The following MAD1L1 variants were observed in gnomAD, a reference collection of about 807,000 sequenced individuals.
MAD1L1 encodes the protein mitotic arrest deficient 1 like 1, also known as mitotic spindle assembly checkpoint protein MAD1.
In MAD1L1, 95 loss-of-function variants were observed where a neutral mutation model predicts 96.9. That is an observed-to-expected ratio of 0.98 (90% CI 0.83 to 1.16). The LOEUF is 1.16. Among genes scored for constraint, MAD1L1 ranks in the 50% most tolerant of loss-of-function variants. The probability of loss-of-function intolerance (pLI) is 0.00; values close to 1 mark genes in which losing one functional copy is unlikely to be tolerated. For missense variants in MAD1L1, 1,007 were observed against 954.4 expected (o/e 1.06, Z -0.73); for synonymous variants, 473 against 396.6 (o/e 1.19, Z -2.29).
At chr7:2,090,306 G>A (rs868072269) in intron 11 of MAD1L1, among the ~76,000 whole-genome samples, 72 of 152,316 alleles carry the variant, frequency 4.7e-4, no homozygotes, top group African/African-American at 1.5e-3. Context: ...TTCTGCGGTC[G>A]CTTGCTTTGG....
At chr7:2,189,082 C>T (rs1264058267) in intron 10 of MAD1L1, among the ~76,000 whole-genome samples, 2 of 152,166 alleles carry the variant, frequency 1.3e-5, no homozygotes, top group African/African-American at 4.8e-5. Context: ...CGGTGCTCCA[C>T]ACCACTAATC....
At chr7:2,155,463 A>C (rs1023756545) in intron 10 of MAD1L1, among the ~76,000 whole-genome samples, 2 of 152,156 alleles carry the variant, frequency 1.3e-5, no homozygotes, top group African/African-American at 4.8e-5. Flanking sequence ...ATTAAAGAGG[A>C]ACTCCCACAG....
intron 1 of MAD1L1, among the ~76,000 whole-genome samples, chr7:2,231,562 G>C (rs1203320575): frequency 6.6e-6 from 1 of 151,876 alleles, no homozygotes; most frequent in South Asian, 2.1e-4. Flanking sequence ...AACTGAGATC[G>C]CGCCACTGCA....
chr7:2,126,681 T>C (rs1788248930), intron 11 of MAD1L1, among the ~76,000 whole-genome samples: 1 of 152,204 alleles, frequency 6.6e-6, no homozygotes, highest in Non-Finnish European at 1.5e-5. Flanking sequence ...GACCGGCCTC[T>C]TCTGTCACTC....
intron 18 of MAD1L1, among the ~76,000 whole-genome samples, chr7:1,887,381 G>C (rs1300284370): frequency 6.6e-6 from 1 of 151,140 alleles, no homozygotes; most frequent in Non-Finnish European, 1.5e-5. Flanking sequence ...CTGTGCATGC[G>C]TGTACATGCA....
At position 2,211,784 on chromosome 7, in the gene MAD1L1, C is replaced by T. The variant is rs114573146; in HGVS notation, c.986+1428G>A. Among the ~76,000 whole-genome samples the T allele has an allele frequency of 6.1e-4, 93 of 152,294 alleles. 1 individual carries two copies. Among genetic ancestry groups the T allele is most frequent in the African/African-American group, 2.2e-3 (92 of 41,544 alleles). On this transcript the variant is annotated intron_variant, in intron 10 of 18. Coordinates refer to ENST00000265854, the MANE Select transcript of MAD1L1 (RefSeq NM_001013836.2). ...CTTTCAGGTGACAGAGAACTGAAGC[C>T]AGTAATGCTGATGAGAAGGTAATGG...
intron 10 of MAD1L1, among the ~76,000 whole-genome samples, chr7:2,162,556 T>A (rs1790205971): frequency 6.9e-6 from 1 of 144,730 alleles, no homozygotes; most frequent in East Asian, 2.0e-4. Context: ...CAAATCCCCC[T>A]CTCCGAGAAA....
intron 12 of MAD1L1, among the ~76,000 whole-genome samples, chr7:2,029,870 T>C (rs1156972300): frequency 6.6e-6 from 1 of 152,036 alleles, no homozygotes; most frequent in Non-Finnish European, 1.5e-5. Flanking sequence ...CGAGTTATGA[T>C]TACAATGAAA....
At chr7:2,141,104 G>A (rs947921296) in intron 11 of MAD1L1, among the ~76,000 whole-genome samples, 1 of 152,228 alleles carries the variant, frequency 6.6e-6, no homozygotes, top group Admixed American at 6.5e-5. Flanking sequence ...GGCAGCGGAC[G>A]CTGGACCCGG....
intron 18 of MAD1L1, among the ~76,000 whole-genome samples, chr7:1,867,957 G>A (rs1017004854): frequency 6.6e-6 from 1 of 152,240 alleles, no homozygotes. Context: ...AATACGGGGC[G>A]ACAACCGTCT....
At chr7:1,865,149 G>A (rs951490056) in intron 18 of MAD1L1, among the ~76,000 whole-genome samples, 3 of 152,148 alleles carry the variant, frequency 2.0e-5, no homozygotes, top group Non-Finnish European at 2.9e-5. Flanking sequence ...TGGGACTCCC[G>A]GAAGGGGGCA....
intron 10 of MAD1L1, among the ~76,000 whole-genome samples, chr7:2,179,912 A>G (rs1391319186): frequency 6.6e-6 from 1 of 152,064 alleles, no homozygotes; most frequent in African/African-American, 2.4e-5. Flanking sequence ...CGGAGGTCAC[A>G]GTGAGCCAAG....
chr7:2,210,725 G>A (rs899387910), intron 10 of MAD1L1, among the ~76,000 whole-genome samples: 4 of 152,206 alleles, frequency 2.6e-5, no homozygotes, highest in Non-Finnish European at 5.9e-5. Flanking sequence ...GCCCAGGCAT[G>A]GCAGGCAACC....
chr7:1,861,119 C>T (rs1263165059), intron 18 of MAD1L1, among the ~76,000 whole-genome samples: 1 of 152,174 alleles, frequency 6.6e-6, no homozygotes, highest in Non-Finnish European at 1.5e-5. Flanking sequence ...CCTGACTGGA[C>T]AACTGCCTCC....
intron 12 of MAD1L1, among the ~76,000 whole-genome samples, chr7:2,042,711 C>T (rs1443216399): frequency 2.0e-5 from 3 of 152,216 alleles, no homozygotes; most frequent in East Asian, 1.9e-4. Context: ...TGCCATGTGA[C>T]GTGCCTGCTC....
chr7:1,919,605 C>T (rs928020460), intron 17 of MAD1L1, among the ~76,000 whole-genome samples: 2 of 152,244 alleles, frequency 1.3e-5, no homozygotes, highest in African/African-American at 2.4e-5. Context: ...AGGCCACAGC[C>T]GCCATCGTCG....
At chr7:1,878,084 C>T (rs1047319835) in intron 18 of MAD1L1, among the ~76,000 whole-genome samples, 3 of 151,788 alleles carry the variant, frequency 2.0e-5, no homozygotes, top group Non-Finnish European at 2.9e-5. Context: ...ACAGTATACA[C>T]AAAATAAGCA....
intron 10 of MAD1L1, among the ~76,000 whole-genome samples, chr7:2,167,113 A>C (rs551958805): frequency 7.3e-4 from 111 of 152,324 alleles, no homozygotes; most frequent in Non-Finnish European, 1.4e-3. Context: ...GTGCCGGTGA[A>C]ACAGTAAGAC....
chr7:2,232,709 C>T (rs193128176), intron 1 of MAD1L1, among the ~76,000 whole-genome samples, 163 bp downstream of exon 1: 42 of 152,266 alleles, frequency 2.8e-4, no homozygotes, highest in African/African-American at 9.6e-4. Flanking sequence ...GAGAGCGCGC[C>T]CATGGGAGAC....
Sources: allele counts gnomAD v4.1 joint callset (sites outside exome capture counted in the v4.1 genomes callset), GRCh38; gene constraint gnomAD v4.1.1; transcripts MANE v1.5; gene names NCBI Gene and HGNC (gene_info 2026-07-23, HGNC 2026-07-21).